Variants in DNAJC3 observed in about 807,000 individuals in gnomAD.
DNAJC3 encodes dnaJ homolog subfamily C member 3.
DNAJC3 carries 38 observed loss-of-function variants against 68.6 expected under a neutral mutation model. The observed-to-expected ratio is 0.55, with a 90% confidence interval of 0.43 to 0.73. The LOEUF is 0.73. Among genes scored for constraint, DNAJC3 ranks in the 30% least tolerant of loss-of-function variants. DNAJC3 has a pLI of 0.00. For synonymous variants in DNAJC3, 203 were observed against 204.0 expected (o/e 1.00, Z 0.04); for missense variants, 526 against 591.9 (o/e 0.89, Z 1.16).
In DNAJC3 at chr13:95,791,911, C is replaced by T. The variant is rs940953623; in HGVS notation, c.*881C>T. 3 of 152,160 alleles carry T rather than the reference C, an allele frequency of 2.0e-5. No homozygotes were observed. The highest frequency in any genetic ancestry group is 4.1e-4 in the South Asian group (2 of 4,828). The allele number at this position is 152,160 out of a possible 1,614,324, so 9.4% of individuals were successfully genotyped here. A position where few individuals can be genotyped will look rare whatever the true frequency, so the allele number is the denominator to read the frequency against. The stretch of plus-strand genomic sequence containing the variant: ...TCATGTAACAAGACTGGTTTAGAAA[C>T]GTAAAGTTGCGCAGTCAACATAAAT... On this transcript the variant is annotated 3_prime_UTR_variant, in exon 12 of 12. Coordinates refer to ENST00000602402, the MANE Select transcript of DNAJC3 (RefSeq NM_006260.5).
chr13:95,780,010 G>A (rs1001765924), intron 9 of DNAJC3, among the ~76,000 whole-genome samples: 2 of 152,100 alleles, frequency 1.3e-5, no homozygotes, highest in Non-Finnish European at 2.9e-5. Context: ...TGTCAGTTTT[G>A]TTTTTTTGTT....
chr13:95,747,744 G>A (rs1316405960), intron 4 of DNAJC3, among the ~76,000 whole-genome samples: 1 of 152,216 alleles, frequency 6.6e-6, no homozygotes, highest in Non-Finnish European at 1.5e-5. Flanking sequence ...TAATCCAAGT[G>A]TAACCTTACA....
chr13:95,783,662 C>T (rs1594029462), intron 9 of DNAJC3, among the ~76,000 whole-genome samples: 1 of 152,302 alleles, frequency 6.6e-6, no homozygotes, highest in Middle Eastern at 3.4e-3. Context: ...GGGTCCCCTT[C>T]CCCAGTGCCA....
At chr13:95,713,116 G>T (rs948286169) in intron 2 of DNAJC3, among the ~76,000 whole-genome samples, 5 of 152,136 alleles carry the variant, frequency 3.3e-5, no homozygotes, top group African/African-American at 1.2e-4. Context: ...CGAACTGTGA[G>T]TCAATTAAGC....
At chr13:95,722,892 C>T (rs909805129) in intron 2 of DNAJC3, among the ~76,000 whole-genome samples, 2 of 133,716 alleles carry the variant, frequency 1.5e-5, no homozygotes, top group Non-Finnish European at 3.1e-5. Context: ...CAGGGGTTTG[C>T]GAACTTTTTT....
Position 95,737,737 on chromosome 13 carries a change from T to C in DNAJC3, c.393+12485T>C, listed in dbSNP as rs1401327038. On this transcript the variant is annotated intron_variant, in intron 4 of 11. Transcript: ENST00000602402. ...TTTTTTTCTTTATTAGTCTTGCTAG[T>C]GGTCTATCAATTTTGTTGATCCTTT... Among the ~76,000 whole-genome samples the C allele has an allele frequency of 4.1e-3, 608 of 147,394 alleles. 1 individual carries two copies. Among genetic ancestry groups the C allele is most frequent in the African/African-American group, 0.015 (565 of 38,038 alleles).
At chr13:95,756,170 G>T (rs1022326898) in intron 4 of DNAJC3, among the ~76,000 whole-genome samples, 1 of 152,182 alleles carries the variant, frequency 6.6e-6, no homozygotes, top group African/African-American at 2.4e-5. Context: ...GTACTCATAG[G>T]AAACACGTTA....
intron 1 of DNAJC3, among the ~76,000 whole-genome samples, chr13:95,688,927 GGTGTGTGTGTGTGTGT>G (rs57546561): frequency 5.4e-5 from 7 of 129,668 alleles, no homozygotes; most frequent in South Asian, 2.5e-4. Context: ...TGATTGTGTG[GGTGTGTGTGTGTGTGT>G]GTGTGTGTGT....
chr13:95,753,504 A>G (rs1394685962), intron 4 of DNAJC3, among the ~76,000 whole-genome samples: 3 of 152,208 alleles, frequency 2.0e-5, no homozygotes, highest in African/African-American at 4.8e-5. Flanking sequence ...GAAAATTTAA[A>G]TTTTTGCTAC....
chr13:95,708,764 A>G (rs1164203424), intron 1 of DNAJC3, among the ~76,000 whole-genome samples: 5 of 152,178 alleles, frequency 3.3e-5, no homozygotes, highest in Non-Finnish European at 7.3e-5. Flanking sequence ...CGATAACATC[A>G]GGCGCCAGGA....
intron 1 of DNAJC3, among the ~76,000 whole-genome samples, chr13:95,680,777 C>A (rs912206907): frequency 6.6e-6 from 1 of 151,006 alleles, no homozygotes; most frequent in African/African-American, 2.4e-5. Flanking sequence ...AGTTTAATTT[C>A]TACTGCTGTG....
chr13:95,702,415 A>G (rs1566473618), intron 1 of DNAJC3, among the ~76,000 whole-genome samples: 2 of 152,246 alleles, frequency 1.3e-5, no homozygotes, highest in East Asian at 3.8e-4. Flanking sequence ...TACCAGTACA[A>G]CAAAGCAACT....
intron 9 of DNAJC3, among the ~76,000 whole-genome samples, chr13:95,781,859 G>A (rs1389075821): frequency 6.6e-6 from 1 of 151,496 alleles, no homozygotes; most frequent in African/African-American, 2.4e-5. Context: ...GAATGTACAG[G>A]TTTGTTACAT....
chr13:95,737,405 C>T (rs896391372), intron 4 of DNAJC3, among the ~76,000 whole-genome samples: 1 of 151,676 alleles, frequency 6.6e-6, no homozygotes, highest in Non-Finnish European at 1.5e-5. Context: ...GGTACCAGTT[C>T]CTCCTTGTAC....
At chr13:95,694,460 C>G (rs1880372305) in intron 1 of DNAJC3, 1 of 152,486 alleles carries the variant, frequency 6.6e-6, no homozygotes, top group Non-Finnish European at 1.5e-5. Context: ...ATCCTATAAC[C>G]AAAATAATAC....
intron 1 of DNAJC3, among the ~76,000 whole-genome samples, chr13:95,704,497 T>C (rs1880666308): frequency 6.6e-6 from 1 of 152,172 alleles, no homozygotes. Flanking sequence ...CAGTTAATCT[T>C]AGTGTCATGA....
At position 95,792,621 on chromosome 13, in the gene DNAJC3, G is replaced by C. The variant is rs1028528716; in HGVS notation, c.*1591G>C. 5 of 152,178 alleles carry C rather than the reference G, an allele frequency of 3.3e-5. No homozygotes were observed. The highest frequency in any genetic ancestry group is 1.2e-4 in the African/African-American group (5 of 41,440). The allele number at this position is 152,178 out of a possible 1,614,324, so 9.4% of individuals were successfully genotyped here. On this transcript the variant is annotated 3_prime_UTR_variant, in exon 12 of 12. Coordinates refer to ENST00000602402, the MANE Select transcript of DNAJC3 (RefSeq NM_006260.5). Reference sequence around the variant, plus strand: ...AAAAATCACATAGTTGAATTGAGCAGAACACTTAAGTGCTTTCTGCATCTA... The same window carrying C: ...AAAAATCACATAGTTGAATTGAGCACAACACTTAAGTGCTTTCTGCATCTA...
intron 1 of DNAJC3, among the ~76,000 whole-genome samples, chr13:95,691,882 G>A (rs1053518844): frequency 2.0e-5 from 3 of 152,224 alleles, no homozygotes; most frequent in Admixed American, 6.5e-5. Context: ...GTGAAACGCC[G>A]TCTCCACCAA....
intron 9 of DNAJC3, among the ~76,000 whole-genome samples, chr13:95,781,809 GT>G (rs895313472): frequency 2.6e-3 from 371 of 142,044 alleles, no homozygotes; most frequent in Middle Eastern, 3.6e-3. Context: ...GTGTGTGTGT[GT>G]TTTTTTTTTT....
Sources: allele counts gnomAD v4.1 joint callset (sites outside exome capture counted in the v4.1 genomes callset), GRCh38; gene constraint gnomAD v4.1.1; transcripts MANE v1.5; gene names NCBI Gene and HGNC (gene_info 2026-07-23, HGNC 2026-07-21).